RFWD3: variants seen among roughly 807,000 people sequenced by gnomAD.
RFWD3 encodes the protein E3 ubiquitin-protein ligase RFWD3.
Under a neutral mutation model 87.7 loss-of-function variants are expected in RFWD3, and 65 were observed. The observed-to-expected ratio is 0.74, with a 90% confidence interval of 0.61 to 0.91. The LOEUF (loss-of-function observed/expected upper bound fraction) is 0.91, where lower values mean the gene tolerates loss of function less well. Among genes scored for constraint, RFWD3 ranks in the 40% least tolerant of loss-of-function variants. The probability of loss-of-function intolerance (pLI) is 0.00; values close to 1 mark genes in which losing one functional copy is unlikely to be tolerated. For missense variants in RFWD3, 1,078 were observed against 938.5 expected (o/e 1.15, Z -1.94); for synonymous variants, 433 against 352.8 (o/e 1.23, Z -2.55).
intron 2 of RFWD3, among the ~76,000 whole-genome samples, chr16:74,658,230 T>C (rs1033595561): frequency 1.3e-5 from 2 of 152,238 alleles, no homozygotes; most frequent in African/African-American, 4.8e-5. Flanking sequence ...TGATCTGTGT[T>C]ATTCACCAAT....
At chr16:74,645,970 G>A (rs1302454302) in intron 4 of RFWD3, among the ~76,000 whole-genome samples, 2 of 150,696 alleles carry the variant, frequency 1.3e-5, no homozygotes, top group South Asian at 2.1e-4. Flanking sequence ...GGATGGTCTC[G>A]ATCTCCTGAC....
rs1023522768 is a variant in RFWD3 at position 74,632,108 on chromosome 16, C to T, written c.1577+415G>A. 4.6e-5 allele frequency among the ~76,000 whole-genome samples: 7 copies of T among 151,894 alleles called. No homozygotes were observed. The East Asian group carries it at 9.7e-4, about 21-fold the overall frequency. On this transcript the variant is annotated intron_variant, in intron 9 of 12. Transcript: ENST00000361070. ...AGACCAAAAAAAACAGAGCTAAGGT[C>T]GGCTGGGCGCAGTGGCTCACGCCTG...
chr16:74,658,996 G>A (rs1961218717), intron 2 of RFWD3, among the ~76,000 whole-genome samples: 1 of 152,104 alleles, frequency 6.6e-6, no homozygotes, highest in South Asian at 2.1e-4. Context: ...CTGGCCTAAA[G>A]GGATCCGCCT....
chr16:74,645,518 C>T (rs2144208863), intron 4 of RFWD3, among the ~76,000 whole-genome samples: 1 of 152,252 alleles, frequency 6.6e-6, no homozygotes, highest in South Asian at 2.1e-4. Context: ...GTACCAAATA[C>T]TGTAGGCAAC....
intron 2 of RFWD3, among the ~76,000 whole-genome samples, chr16:74,657,499 G>A (rs1163195602): frequency 3.9e-5 from 5 of 127,650 alleles, no homozygotes; most frequent in Non-Finnish European, 7.9e-5. Context: ...TTTTTGAGAC[G>A]GAGTCTCGCT....
intron 6 of RFWD3, chr16:74,643,959 G>T: frequency 4.1e-6 from 1 of 246,132 alleles, no homozygotes; most frequent in African/African-American, 2.2e-5. Flanking sequence ...TTACAGGCGT[G>T]AGCCACCATG....
intron 3 of RFWD3, among the ~76,000 whole-genome samples, chr16:74,650,704 G>C (rs1379803148): frequency 6.6e-6 from 1 of 151,962 alleles, no homozygotes; most frequent in Non-Finnish European, 1.5e-5. Context: ...GGACAACATA[G>C]GGAGACCCCA....
chr16:74,655,525 G>A (rs1199242992), intron 2 of RFWD3, among the ~76,000 whole-genome samples: 2 of 151,098 alleles, frequency 1.3e-5, no homozygotes. Context: ...GGGATTACAG[G>A]CATGAGCCAC....
intron 6 of RFWD3, among the ~76,000 whole-genome samples, chr16:74,642,166 A>G (rs1243023873): frequency 6.6e-6 from 1 of 152,048 alleles, no homozygotes; most frequent in Admixed American, 6.6e-5. Context: ...TCTGTTGCCC[A>G]GGCTGGAGTG....
In RFWD3 at chr16:74,626,461, T is replaced by A. The variant is rs746955316; in HGVS notation, c.2063A>T (p.His688Leu). 19 of 1,614,042 alleles carry A rather than the reference T, an allele frequency of 1.2e-5. No homozygotes were observed. The African/African-American group carries it at 2.5e-4, about 22-fold the overall frequency. ...GCAAGTAGGTCCTCCAAAAAATGTA[T>A]GTACAGGCTGGCAGGAGCAGATTGG... is the stretch of plus-strand genomic sequence containing the variant. Reference protein sequence around the residue: ...GNPICSCQPVHTFFGGPTCKL... With the variant: ...GNPICSCQPVLTFFGGPTCKL... Residue 688 changes from histidine to leucine, a missense_variant, in exon 12 of 13, where the codon CAT (histidine) becomes CTT (leucine). His to Leu is a moderately conservative substitution (Grantham distance 99). Transcript: ENST00000361070.
chr16:74,642,663 T>C (rs896302718), intron 6 of RFWD3, among the ~76,000 whole-genome samples: 5 of 152,112 alleles, frequency 3.3e-5, no homozygotes, highest in Non-Finnish European at 7.4e-5. Flanking sequence ...GGATAATTTT[T>C]TTCATTTTTA....
At chr16:74,637,134 A>C (rs1959218515) in intron 7 of RFWD3, among the ~76,000 whole-genome samples, 1 of 150,132 alleles carries the variant, frequency 6.7e-6, no homozygotes. Flanking sequence ...AAAAAAAAAA[A>C]AAAAAAAAAA....
At chr16:74,630,219 C>T (rs1398247842) in intron 10 of RFWD3, among the ~76,000 whole-genome samples, 1 of 152,222 alleles carries the variant, frequency 6.6e-6, no homozygotes, top group Admixed American at 6.5e-5. Flanking sequence ...CCTCGGCCTT[C>T]TGAGTAGCTG....
chr16:74,634,641 G>A (rs1010984958), intron 8 of RFWD3, among the ~76,000 whole-genome samples: 2 of 152,020 alleles, frequency 1.3e-5, no homozygotes, highest in Non-Finnish European at 2.9e-5. Flanking sequence ...CTCCCGCCTT[G>A]GCCTCCCAAA....
At chr16:74,643,074 A>G (rs927297684) in intron 6 of RFWD3, among the ~76,000 whole-genome samples, 4 of 152,324 alleles carry the variant, frequency 2.6e-5, no homozygotes, top group African/African-American at 9.6e-5. Context: ...CATTGGTTGG[A>G]CCAAATGAGT....
rs1186967849 is a variant in RFWD3, at chr16:74,626,440, G to A, written c.2084C>T (p.Thr695Ile). ...GGCATTTTTGGTCAATAGTTTGCAA[G>A]TAGGTCCTCCAAAAAATGTATGTAC... ...QPVHTFFGGP[T>I]CKLLTKNAIF... The change falls in exon 12 of 13, where the codon ACT (threonine) becomes ATT (isoleucine). Residue 695 changes from threonine to isoleucine, a missense_variant. By Grantham distance (89) the Thr-to-Ile change is moderately conservative. Transcript: ENST00000361070. 2.5e-6 allele frequency: 4 copies of A among 1,614,050 alleles called. No individual in the cohort carries two copies. In the African/African-American group the frequency reaches 4.0e-5, roughly 16 times the overall value.
intron 2 of RFWD3, among the ~76,000 whole-genome samples, chr16:74,657,998 T>A (rs940196044): frequency 6.6e-6 from 1 of 152,224 alleles, no homozygotes; most frequent in Non-Finnish European, 1.5e-5. Flanking sequence ...AATCACTCTT[T>A]AATATTGCTT....
In RFWD3 at chr16:74,637,965, A is replaced by G. The variant is rs1247984612; in HGVS notation, c.1085T>C (p.Leu362Pro). The G allele has an allele frequency of 6.2e-7, 1 of 1,606,258 alleles. No homozygotes were observed. Residue 362 changes from leucine (L) to proline (P), a missense_variant, in exon 7 of 13, where the codon CTA (leucine) becomes CCA (proline). By Grantham distance (98) the Leu-to-Pro change is moderately conservative. Transcript: ENST00000361070. ...TTTCCTTAGCATCTGTTCCTTCAGT[A>G]GGGAACTAGAGGGGGAAAGCCAGCA... is the stretch of plus-strand genomic sequence containing the variant. The part of the protein sequence containing the change: ...TSEQERMKSS[L>P]LKEQMLRKQA...
At position 74,638,411 on chromosome 16, in the gene RFWD3, A is replaced by T. The variant is rs564372298; in HGVS notation, c.1080-441T>A. Among the ~76,000 whole-genome samples the T allele has an allele frequency of 3.4e-4, 52 of 152,360 alleles. No homozygotes were observed. In the South Asian group the frequency reaches 0.011, roughly 31 times the overall value. ...GACATCAAGCAAATATTAACAAAGG[A>T]AAGACCAATTAGAATTAAGGAAAAA... On this transcript the variant is annotated intron_variant, in intron 6 of 12. Transcript: ENST00000361070.
Sources: allele counts gnomAD v4.1 joint callset (sites outside exome capture counted in the v4.1 genomes callset), GRCh38; gene constraint gnomAD v4.1.1; transcripts MANE v1.5; gene names NCBI Gene and HGNC (gene_info 2026-07-23, HGNC 2026-07-21).